The following ELAPOR2 variants were observed in gnomAD, a reference collection of about 807,000 sequenced individuals.
The protein encoded by ELAPOR2 is endosome-lysosome associated apoptosis and autophagy regulator family member 2, also known as endosome/lysosome-associated apoptosis and autophagy regulator family member 2.
In ELAPOR2, 89 loss-of-function variants were observed where a neutral mutation model predicts 120.7. The ratio of observed to expected loss-of-function variants is 0.74; its 90% CI spans 0.62 to 0.88. The LOEUF is 0.88. Among genes scored for constraint, ELAPOR2 ranks in the 40% least tolerant of loss-of-function variants. ELAPOR2 has a pLI of 0.00. For missense variants in ELAPOR2, 1,134 were observed against 1,251.6 expected (o/e 0.91, Z 1.42); for synonymous variants, 444 against 444.9 (o/e 1.00, Z 0.03).
rs35895874 is a variant in ELAPOR2 at position 86,913,139 on chromosome 7, C to T, written c.1797G>A (p.Gly599=). The part of the protein sequence containing the change: ...YSITATNAVD[G]VASSCRACAL... ...CACAGGCACGGCATGAGGACGCCACCCCATCAACTGCATTAGTGGCTGTGA... is the reference window on the plus strand; with the variant it reads ...CACAGGCACGGCATGAGGACGCCACTCCATCAACTGCATTAGTGGCTGTGA... Residue 599 remains glycine (G), a synonymous_variant, in exon 14 of 22, where the codon GGG becomes GGA. Transcript: ENST00000450689. 0.088 allele frequency: 142,441 copies of T among 1,613,842 alleles called. 6,848 individuals are homozygous for T. Among genetic ancestry groups the T allele is most frequent in the African/African-American group, 0.13 (9,943 of 74,982 alleles).
chr7:86,974,179 A>G (rs1792196798), intron 1 of ELAPOR2, among the ~76,000 whole-genome samples: 1 of 152,216 alleles, frequency 6.6e-6, no homozygotes. Context: ...TTAACTGTAT[A>G]TAAGCTAATA....
rs1409878592 is a variant in ELAPOR2 at position 86,876,968 on chromosome 7, A to G, written c.*3503T>C. 1 of 152,216 alleles carries G rather than the reference A, an allele frequency of 6.6e-6. No homozygotes were observed. Among genetic ancestry groups the G allele is most frequent in the African/African-American group, 2.4e-5 (1 of 41,466 alleles). The allele number at this position is 152,216 out of a possible 1,614,324, so 9.4% of individuals were successfully genotyped here. A position where few individuals can be genotyped will look rare whatever the true frequency, so the allele number is the denominator to read the frequency against. On this transcript the variant is annotated 3_prime_UTR_variant, in exon 22 of 22. Coordinates refer to ENST00000450689, the MANE Select transcript of ELAPOR2 (RefSeq NM_001142749.3). ...CCACGCCCATCCATTTACATTTTGT[A>G]TGTGGTTGCTTTCATACTACAATGG...
At chr7:87,039,380 A>G (rs1794688184) in intron 1 of ELAPOR2, among the ~76,000 whole-genome samples, 1 of 152,190 alleles carries the variant, frequency 6.6e-6, no homozygotes, top group Admixed American at 6.5e-5. Flanking sequence ...AAAACCCAAG[A>G]GGAGAGAATA....
intron 1 of ELAPOR2, among the ~76,000 whole-genome samples, chr7:86,967,417 T>C (rs1216410892): frequency 6.6e-6 from 1 of 152,082 alleles, no homozygotes; most frequent in Non-Finnish European, 1.5e-5. Context: ...ATTGAACCAC[T>C]GTACTCCATC....
At chr7:86,920,278 T>C (rs1789770218) in intron 10 of ELAPOR2, among the ~76,000 whole-genome samples, 1 of 152,170 alleles carries the variant, frequency 6.6e-6, no homozygotes, top group Admixed American at 6.5e-5. Flanking sequence ...GGCTATCTAA[T>C]GTGGTTGAAA....
At chr7:87,004,853 A>C (rs1023348609) in intron 1 of ELAPOR2, among the ~76,000 whole-genome samples, 1 of 152,148 alleles carries the variant, frequency 6.6e-6, no homozygotes, top group African/African-American at 2.4e-5. Flanking sequence ...TTCTCTAAAG[A>C]ATATCAGACC....
At chr7:87,009,069 A>G (rs1793574272) in intron 1 of ELAPOR2, among the ~76,000 whole-genome samples, 1 of 152,180 alleles carries the variant, frequency 6.6e-6, no homozygotes, top group African/African-American at 2.4e-5. Flanking sequence ...TTAGATCCCT[A>G]ATTTTGTTAA....
chr7:86,926,352 G>A (rs1790066419), intron 9 of ELAPOR2, among the ~76,000 whole-genome samples: 1 of 151,980 alleles, frequency 6.6e-6, no homozygotes, highest in Non-Finnish European at 1.5e-5. Context: ...CAGAAGGCAT[G>A]TTTAAATGTC....
intron 1 of ELAPOR2, among the ~76,000 whole-genome samples, chr7:87,043,030 T>C (rs902643759): frequency 6.6e-6 from 1 of 152,098 alleles, no homozygotes; most frequent in African/African-American, 2.4e-5. Flanking sequence ...ATAAATTCCT[T>C]GACACATACA....
chr7:86,942,107 G>C lies in ELAPOR2; in HGVS notation c.655-3C>G. On this transcript the variant is annotated splice_region_variant and splice_polypyrimidine_tract_variant and intron_variant, in intron 4 of 21. Transcript: ENST00000450689. The stretch of plus-strand genomic sequence containing the variant: ...TCCTGGCACTGATCATTTTGAATCT[G>C]TGGATTAAACACAAGAGCCCTAGTA... 1 of 1,532,744 alleles carries C rather than the reference G, an allele frequency of 6.5e-7. No homozygotes were observed. Among genetic ancestry groups the C allele is most frequent in the Non-Finnish European group, 8.8e-7 (1 of 1,130,160 alleles). 94.9% of individuals were successfully genotyped at this position (1,532,744 alleles called of 1,614,324 possible).
At chr7:87,049,531 C>A (rs113209190) in intron 1 of ELAPOR2, among the ~76,000 whole-genome samples, 90 of 152,276 alleles carry the variant, frequency 5.9e-4, no homozygotes, top group African/African-American at 2.1e-3. Flanking sequence ...ATCCGCCAGC[C>A]TCGGCCTCCC....
At chr7:86,886,852 G>A (rs2115778721) in intron 21 of ELAPOR2, among the ~76,000 whole-genome samples, 1 of 152,166 alleles carries the variant, frequency 6.6e-6, no homozygotes, top group South Asian at 2.1e-4. Flanking sequence ...ACTACATGTT[G>A]GGCCTGGTTC....
chr7:86,967,879 T>C (rs992531703), intron 1 of ELAPOR2, among the ~76,000 whole-genome samples: 2 of 152,216 alleles, frequency 1.3e-5, no homozygotes, highest in South Asian at 2.1e-4. Flanking sequence ...TTTATTTCTT[T>C]ACAATTTAAA....
At chr7:86,908,883 A>G (rs1395335351) in intron 16 of ELAPOR2, among the ~76,000 whole-genome samples, 1 of 152,128 alleles carries the variant, frequency 6.6e-6, no homozygotes, top group African/African-American at 2.4e-5. Flanking sequence ...TTCATTCTCC[A>G]GTGAATTTTA....
At chr7:86,929,720 T>A (rs1415141994) in intron 8 of ELAPOR2, among the ~76,000 whole-genome samples, 1 of 151,932 alleles carries the variant, frequency 6.6e-6, no homozygotes, top group African/African-American at 2.4e-5. Context: ...TCTGTCCCCA[T>A]GCAAGTCTTA....
rs397698585 is a variant in ELAPOR2, at chr7:86,926,920, C to CAAAAAAA, written c.1090-11_1090-5dup. The stretch of plus-strand genomic sequence containing the variant: ...TCCACTTGTACATTATCTGTGTCTA[C>CAAAAAAA]AAAAAAAAAAAAAAAAAAAAAGCAA... On this transcript the variant is annotated splice_polypyrimidine_tract_variant and splice_region_variant and intron_variant, in intron 8 of 21. Transcript: ENST00000450689. The CAAAAAAA allele has an allele frequency of 3.0e-5, 27 of 891,226 alleles. No individual in the cohort carries two copies. The highest frequency in any genetic ancestry group is 5.2e-5 in the South Asian group (1 of 19,256). 55.2% of individuals were successfully genotyped at this position (891,226 alleles called of 1,614,324 possible).
At chr7:87,017,566 T>A (rs983721880) in intron 1 of ELAPOR2, among the ~76,000 whole-genome samples, 3 of 152,182 alleles carry the variant, frequency 2.0e-5, no homozygotes, top group African/African-American at 7.2e-5. Flanking sequence ...TTTCCTAATT[T>A]CTTTTATAAT....
chr7:86,926,966 A>G, intron 8 of ELAPOR2, 50 bp from the exon 9 acceptor site: 1 of 1,411,578 alleles, frequency 7.1e-7, no homozygotes, highest in Non-Finnish European at 9.2e-7. Flanking sequence ...TAACATGCTT[A>G]TAACAAAAAT....
At chr7:87,042,800 C>CA (rs1794826841) in intron 1 of ELAPOR2, among the ~76,000 whole-genome samples, 1 of 152,004 alleles carries the variant, frequency 6.6e-6, no homozygotes, top group Admixed American at 6.6e-5. Context: ...AAAAACCCTT[C>CA]AAAAAATTAA....
Sources: gnomAD v4.1 joint callset for allele counts (sites outside exome capture counted in the v4.1 genomes callset) on GRCh38, gnomAD v4.1.1 for gene constraint, MANE v1.5 for transcripts, NCBI Gene and HGNC (gene_info 2026-07-23, HGNC 2026-07-21) for gene names.